The following HTR2C variants were observed in gnomAD, a reference collection of about 807,000 sequenced individuals.
HTR2C encodes the protein 5-hydroxytryptamine (serotonin) receptor 2C, G protein-coupled.
In HTR2C, 5 loss-of-function variants were observed where a neutral mutation model predicts 21.0. The ratio of observed to expected loss-of-function variants is 0.24; its 90% CI spans 0.12 to 0.50. The LOEUF (loss-of-function observed/expected upper bound fraction) is 0.50, where lower values mean the gene tolerates loss of function less well. Among genes scored for constraint, HTR2C ranks in the 20% least tolerant of loss-of-function variants. HTR2C has a pLI of 0.98. For missense variants in HTR2C, 271 were observed against 371.2 expected (o/e 0.73, Z 2.22); for synonymous variants, 150 against 145.3 (o/e 1.03, Z -0.23).
chrX:114,614,201 G>A (rs782243238), intron 2 of HTR2C, among the ~76,000 whole-genome samples: 2 of 110,938 alleles, frequency 1.8e-5, no homozygotes, highest in East Asian at 5.7e-4. Flanking sequence ...GGGACAATTA[G>A]GTTAGCGAAG....
rs200113008 is a variant in HTR2C at position 114,726,940 on chromosome X, G to A, written c.4G>A (p.Val2Met). The change falls in exon 3 of 6, where the codon GTG (valine) becomes ATG (methionine). Residue 2 changes from valine (V) to methionine (M), a missense_variant. By Grantham distance (21) the Val-to-Met change is conservative. Coordinates refer to ENST00000276198, the MANE Select transcript of HTR2C (RefSeq NM_000868.4). ...GTTGCTTAAGACTGAAGCAATCATG[G>A]TGAACCTGAGGAATGCGGTGCATTC... M[V>M]NLRNAVHSFL... The A allele has an allele frequency of 8.8e-7, 1 of 1,131,752 alleles. No homozygotes were observed. Among genetic ancestry groups the A allele is most frequent in the Non-Finnish European group, 1.2e-6 (1 of 851,894 alleles). 93.3% of individuals were successfully genotyped at this position (1,131,752 alleles called of 1,213,427 possible). A position where few individuals can be genotyped will look rare whatever the true frequency, so the allele number is the denominator to read the frequency against.
intron 4 of HTR2C, among the ~76,000 whole-genome samples, chrX:114,762,315 C>A: frequency 1.0e-5 from 1 of 96,709 alleles, no homozygotes; most frequent in African/African-American, 3.8e-5. Context: ...TCATATTTTC[C>A]ACTGTCATCC....
intron 2 of HTR2C, among the ~76,000 whole-genome samples, chrX:114,723,189 C>T (rs1366787346): frequency 9.0e-6 from 1 of 111,430 alleles, no homozygotes; most frequent in Non-Finnish European, 1.9e-5. Context: ...GCCACAATTT[C>T]AGAGGCTGTT....
chrX:114,793,743 A>G (rs1018165303), intron 4 of HTR2C, among the ~76,000 whole-genome samples: 1 of 109,538 alleles, frequency 9.1e-6, no homozygotes, highest in Non-Finnish European at 1.9e-5. Flanking sequence ...TTATTTATTC[A>G]TCCATCCATC....
At chrX:114,623,125 A>G (rs974398560) in intron 2 of HTR2C, among the ~76,000 whole-genome samples, 5 of 112,092 alleles carry the variant, frequency 4.5e-5, no homozygotes, top group Non-Finnish European at 7.5e-5. Flanking sequence ...GCCAGGCACT[A>G]TTGGACAGTG....
At chrX:114,603,387 T>C (rs943323410) in intron 1 of HTR2C, among the ~76,000 whole-genome samples, 5 of 109,477 alleles carry the variant, frequency 4.6e-5, no homozygotes, top group African/African-American at 1.7e-4. Context: ...AGCCGCTGCA[T>C]GCAGACATGA....
At chrX:114,773,975 A>G in intron 4 of HTR2C, among the ~76,000 whole-genome samples, 1 of 111,917 alleles carries the variant, frequency 8.9e-6, no homozygotes, top group Non-Finnish European at 1.9e-5. Context: ...GTTCTAACAA[A>G]GATCAAAGAA....
chrX:114,616,318 G>A (rs1453443935), intron 2 of HTR2C, among the ~76,000 whole-genome samples: 1 of 107,757 alleles, frequency 9.3e-6, no homozygotes, highest in African/African-American at 3.4e-5. Flanking sequence ...ATGAAGTCTC[G>A]CTCTGTTGCC....
chrX:114,884,305 C>T (rs1300426765), intron 5 of HTR2C, among the ~76,000 whole-genome samples: 1 of 110,696 alleles, frequency 9.0e-6, no homozygotes, highest in Non-Finnish European at 1.9e-5. Flanking sequence ...AGTAGGATTG[C>T]TGGATTATAT....
At chrX:114,765,105 G>C (rs782705920) in intron 4 of HTR2C, among the ~76,000 whole-genome samples, 16 of 105,425 alleles carry the variant, frequency 1.5e-4, no homozygotes, top group African/African-American at 5.2e-4. Context: ...GTGAACTCCT[G>C]GGCTACAACA....
intron 4 of HTR2C, among the ~76,000 whole-genome samples, chrX:114,774,515 T>C (rs1320137929): frequency 1.8e-5 from 2 of 112,185 alleles, no homozygotes; most frequent in African/African-American, 6.5e-5. Context: ...TAATAATTTA[T>C]ACAAAATGTA....
chrX:114,597,170 A>T (rs948735901), intron 1 of HTR2C, among the ~76,000 whole-genome samples: 25 of 98,777 alleles, frequency 2.5e-4, no homozygotes, highest in African/African-American at 9.5e-4. Flanking sequence ...GTGAGCCGAG[A>T]TCGTGCCATT....
chrX:114,847,427 G>A (rs1250134720), intron 4 of HTR2C, among the ~76,000 whole-genome samples: 1 of 72,051 alleles, frequency 1.4e-5, no homozygotes, highest in African/African-American at 5.3e-5. Flanking sequence ...TCACACTCTG[G>A]GGACTGTTGT....
chrX:114,743,179 G>A (rs1556425578), intron 4 of HTR2C, among the ~76,000 whole-genome samples: 1 of 86,179 alleles, frequency 1.2e-5, no homozygotes, highest in Admixed American at 1.4e-4. Flanking sequence ...GAATAGTGCC[G>A]CAATAAACAT....
intron 4 of HTR2C, among the ~76,000 whole-genome samples, chrX:114,843,852 A>G (rs912249122): frequency 6.3e-5 from 7 of 111,770 alleles, no homozygotes; most frequent in African/African-American, 1.9e-4. Flanking sequence ...AAAATTGTCA[A>G]CTAAATGCTC....
At chrX:114,804,319 A>C (rs1046370109) in intron 4 of HTR2C, among the ~76,000 whole-genome samples, 13 of 111,579 alleles carry the variant, frequency 1.2e-4, no homozygotes, top group African/African-American at 3.6e-4. Context: ...CTGAACAATA[A>C]GTTTCTTAAT....
chrX:114,649,720 A>G (rs1468616237), intron 2 of HTR2C, among the ~76,000 whole-genome samples: 3 of 110,680 alleles, frequency 2.7e-5, no homozygotes, highest in African/African-American at 9.9e-5. Context: ...GGTTCAAGCA[A>G]TTCTCCTGGC....
chrX:114,807,410 G>A (rs1445574409), intron 4 of HTR2C, among the ~76,000 whole-genome samples: 3 of 88,018 alleles, frequency 3.4e-5, no homozygotes, highest in Non-Finnish European at 6.7e-5. Flanking sequence ...ATATATATAC[G>A]CCATATCTAT....
chrX:114,596,053 TAAA>T (rs1403355495), intron 1 of HTR2C, among the ~76,000 whole-genome samples: 1 of 112,098 alleles, frequency 8.9e-6, no homozygotes, highest in Non-Finnish European at 1.9e-5. Context: ...CTTCTGCATT[TAAA>T]AATAATCATT....
Sources: allele counts gnomAD v4.1 joint callset (sites outside exome capture counted in the v4.1 genomes callset), GRCh38; gene constraint gnomAD v4.1.1; transcripts MANE v1.5; gene names NCBI Gene and HGNC (gene_info 2026-07-23, HGNC 2026-07-21).